The following GEMIN5 variants were observed in gnomAD, a reference collection of about 807,000 sequenced individuals.
The protein encoded by GEMIN5 is gem-associated protein 5.
A neutral mutation model predicts 176.9 loss-of-function variants in GEMIN5; 124 were observed. The ratio of observed to expected loss-of-function variants is 0.70; its 90% CI spans 0.61 to 0.81. The LOEUF is 0.81. GEMIN5 is among the 40% of genes least tolerant of loss of function. The pLI, the probability that GEMIN5 is intolerant of heterozygous loss-of-function variation, is 0.00. For synonymous variants in GEMIN5, 673 were observed against 665.2 expected, an observed-to-expected ratio of 1.01 and a Z score of -0.18; for missense variants, 1,843 against 1,814.6, an observed-to-expected ratio of 1.02 and a Z score of -0.28.
At chr5:154,929,084 C>T (rs185523074) in intron 5 of GEMIN5, among the ~76,000 whole-genome samples, 376 of 152,068 alleles carry the variant, frequency 2.5e-3, no homozygotes, top group Non-Finnish European at 4.1e-3. Flanking sequence ...ATTAGCCGGG[C>T]GTGGTGGCAG....
intron 5 of GEMIN5, 88 bp downstream of exon 5, chr5:154,931,370 G>A (rs368853764): frequency 1.5e-6 from 2 of 1,328,826 alleles, no homozygotes; most frequent in East Asian, 2.4e-5. Context: ...TCAAATAGAT[G>A]ACACACCCTC....
intron 18 of GEMIN5, 151 bp downstream of exon 18, chr5:154,904,356 G>C: frequency 1.6e-6 from 1 of 641,760 alleles, no homozygotes; most frequent in Admixed American, 2.6e-5. Flanking sequence ...TAGGGGTATA[G>C]GGATGTGGAG....
chr5:154,919,140 C>A (rs929328908), intron 11 of GEMIN5, among the ~76,000 whole-genome samples: 5 of 152,238 alleles, frequency 3.3e-5, no homozygotes, highest in African/African-American at 9.6e-5. Context: ...ACCAGCCTGG[C>A]CAACATGGTG....
At chr5:154,918,918 G>A (rs890688036) in intron 11 of GEMIN5, among the ~76,000 whole-genome samples, 1 of 151,810 alleles carries the variant, frequency 6.6e-6, no homozygotes, top group Non-Finnish European at 1.5e-5. Context: ...GCACGTGCCT[G>A]TAATCCCAGC....
At chr5:154,890,467 A>ATTT (rs748573084) in intron 26 of GEMIN5, among the ~76,000 whole-genome samples, 10 of 138,160 alleles carry the variant, frequency 7.2e-5, no homozygotes, top group Non-Finnish European at 9.4e-5. Flanking sequence ...TTAAAATTTA[A>ATTT]TTTTTTTTTT....
chr5:154,933,455 C>A (rs1764206184), intron 3 of GEMIN5, among the ~76,000 whole-genome samples: 1 of 152,122 alleles, frequency 6.6e-6, no homozygotes, highest in African/African-American at 2.4e-5. Context: ...TATTCATTTT[C>A]CTTTTGAAGG....
At chr5:154,925,831 T>C in intron 8 of GEMIN5, 31 bp downstream of exon 8, 1 of 1,319,522 alleles carries the variant, frequency 7.6e-7, no homozygotes, top group Non-Finnish European at 1.1e-6. Context: ...AAAAAAAAAG[T>C]TCAAAACAAG....
At chr5:154,907,502 C>G in intron 16 of GEMIN5, 89 bp downstream of exon 16, 1 of 746,206 alleles carries the variant, frequency 1.3e-6, no homozygotes, top group Non-Finnish European at 2.2e-6. Context: ...AAAATGGGAA[C>G]AGCGAAGTTT....
chr5:154,888,013 C>A lies in GEMIN5; in HGVS notation c.*197G>T, dbSNP rs1763144539. ...CATGATCTTCCCTCCAGTAGGAGAC[C>A]ACAATTGAGTCTAAAGTCAGATCCA... On this transcript the variant is annotated 3_prime_UTR_variant, in exon 28 of 28. Transcript: ENST00000285873. 1 of 568,316 alleles carries A rather than the reference C, an allele frequency of 1.8e-6. No homozygotes were observed. The highest frequency in any genetic ancestry group is 3.1e-5 in the Admixed American group (1 of 32,054). 35.2% of individuals were successfully genotyped at this position (568,316 alleles called of 1,614,324 possible).
At chr5:154,916,482 C>G (rs1257350529) in intron 13 of GEMIN5, among the ~76,000 whole-genome samples, 1 of 151,830 alleles carries the variant, frequency 6.6e-6, no homozygotes, top group Non-Finnish European at 1.5e-5. Context: ...TAGGGGAAAA[C>G]TTCATTTTTT....
intron 11 of GEMIN5, among the ~76,000 whole-genome samples, chr5:154,918,794 T>C (rs13177143): frequency 0.061 from 9,196 of 151,666 alleles, 361 homozygotes; most frequent in South Asian, 0.11. Flanking sequence ...CTATAATCAG[T>C]ACTTTGGGAG....
At position 154,891,662 on chromosome 5, in the gene GEMIN5, G is replaced by A. The variant is rs1238940407; in HGVS notation, c.3841C>T (p.Leu1281Phe). ...PAFKSLEAFF[L>F]YGRLYEFWWS... is the part of the protein sequence containing the mutation. Reference sequence around the variant, plus strand: ...CAGAATTCATACAGACGCCCATAAAGAAAAAAGGCCTCCAAACTTTTGAAA... The same window carrying A: ...CAGAATTCATACAGACGCCCATAAAAAAAAAAGGCCTCCAAACTTTTGAAA... Residue 1281 changes from leucine to phenylalanine, a missense_variant, in exon 26 of 28, where the codon CTT becomes TTT. Transcript: ENST00000285873. 7.4e-6 allele frequency: 12 copies of A among 1,612,264 alleles called. No individual in the cohort carries two copies. The Admixed American group carries it at 1.9e-4, about 25-fold the overall frequency.
rs969317691 is a variant in GEMIN5 at position 154,936,911 on chromosome 5, T to C, written c.327+114A>G. 33 of 762,500 alleles carry C rather than the reference T, an allele frequency of 4.3e-5. No homozygotes were observed. The African/African-American group carries it at 5.4e-4, about 12-fold the overall frequency. 47.2% of individuals were successfully genotyped at this position (762,500 alleles called of 1,614,324 possible). A position where few individuals can be genotyped will look rare whatever the true frequency, so the allele number is the denominator to read the frequency against. On this transcript the variant is annotated intron_variant, in intron 2 of 27. Coordinates refer to ENST00000285873, the MANE Select transcript of GEMIN5 (RefSeq NM_015465.5). ...ACAATATAGTTTCTTATCTAATTAA[T>C]GAACACAATTACAAGTTACTTTGCA...
rs752888712 is a variant in GEMIN5 at position 154,907,586 on chromosome 5, C to A, written c.2395+5G>T. 3.7e-6 allele frequency: 6 copies of A among 1,608,094 alleles called. No individual in the cohort carries two copies. The highest frequency in any genetic ancestry group is 3.4e-6 in the Non-Finnish European group (4 of 1,174,574). On this transcript the variant is annotated splice_donor_5th_base_variant and intron_variant, in intron 16 of 27. Coordinates refer to ENST00000285873, the MANE Select transcript of GEMIN5 (RefSeq NM_015465.5). ...CCTAGTGATACACAGGATTCTGCCA[C>A]ATACCCGCTGGAGCAAGGCCACAGG...
intron 24 of GEMIN5, among the ~76,000 whole-genome samples, chr5:154,893,255 T>A (rs1490068615): frequency 3.6e-4 from 31 of 85,664 alleles, no homozygotes; most frequent in Admixed American, 7.4e-4. Flanking sequence ...AGCCCGTCTC[T>A]AAAAAAAAAA....
At position 154,935,852 on chromosome 5, in the gene GEMIN5, T is replaced by G. The variant is rs1764257064; in HGVS notation, c.498A>C (p.Leu166Phe). 2 of 1,611,772 alleles carry G rather than the reference T, an allele frequency of 1.2e-6. No homozygotes were observed. Among genetic ancestry groups the G allele is most frequent in the South Asian group, 2.2e-5 (2 of 90,956 alleles). The change falls in exon 3 of 28, where the codon TTA becomes TTC. Residue 166 changes from leucine to phenylalanine, a missense_variant. Transcript: ENST00000285873. ...GGCATAGTACTTACCCAATGGCTACTAAATCTTCATGATGAGGTGAACAAG... is the reference window on the plus strand; with the variant it reads ...GGCATAGTACTTACCCAATGGCTACGAAATCTTCATGATGAGGTGAACAAG... ...CLTCSPHHEDLVAIGYKDGIV... is the reference protein window; with the variant it reads ...CLTCSPHHEDFVAIGYKDGIV...
intron 24 of GEMIN5, among the ~76,000 whole-genome samples, chr5:154,895,294 C>T (rs891242303): frequency 1.4e-5 from 2 of 142,196 alleles, no homozygotes; most frequent in African/African-American, 2.7e-5. Context: ...TTGAGGAATT[C>T]GAGACCAGCC....
At chr5:154,902,770 C>T in intron 19 of GEMIN5, 94 bp from the exon 20 acceptor site, 1 of 1,297,428 alleles carries the variant, frequency 7.7e-7, no homozygotes, top group South Asian at 1.3e-5. Flanking sequence ...AGAAAGTGAG[C>T]TCCTAAAATA....
intron 13 of GEMIN5, among the ~76,000 whole-genome samples, chr5:154,916,680 A>T (rs182255826): frequency 1.9e-4 from 29 of 152,182 alleles, no homozygotes; most frequent in Non-Finnish European, 3.4e-4. Context: ...AATTTTTTGT[A>T]GAGACGGAGC....
Sources: gnomAD v4.1 joint callset for allele counts (sites outside exome capture counted in the v4.1 genomes callset) on GRCh38, gnomAD v4.1.1 for gene constraint, MANE v1.5 for transcripts, NCBI Gene and HGNC (gene_info 2026-07-23, HGNC 2026-07-21) for gene names.